Variants in CEP170B observed in about 807,000 individuals in gnomAD.
The protein encoded by CEP170B is centrosomal protein of 170 kDa protein B.
CEP170B carries 55 observed loss-of-function variants against 120.6 expected under a neutral mutation model. That is an observed-to-expected ratio of 0.46 (90% CI 0.37 to 0.57). The LOEUF is 0.57. Ranked by LOEUF, CEP170B falls within the 20% of genes least tolerant of loss-of-function variation. The probability of loss-of-function intolerance (pLI) is 0.00; values close to 1 mark genes in which losing one functional copy is unlikely to be tolerated. For missense variants in CEP170B, 2,212 were observed against 2,253.3 expected, an observed-to-expected ratio of 0.98 and a Z score of 0.37; for synonymous variants, 1,033 against 954.5, an observed-to-expected ratio of 1.08 and a Z score of -1.52.
chr14:104,865,113 CG>C (rs1389628646), upstream of CEP170B, among the ~76,000 whole-genome samples: 3 of 146,762 alleles, frequency 2.0e-5, no homozygotes, highest in Admixed American at 2.1e-4. The surrounding 1 kb of genome is among the most constrained non-coding windows in gnomAD (Gnocchi z 6.7). Flanking sequence ...GGACCACGCG[CG>C]GGGCTACCGG....
At position 104,893,570 on chromosome 14, in the gene CEP170B, G is replaced by A. The variant is rs1467285989; in HGVS notation, c.4086G>A (p.Pro1362=). Residue 1362 remains proline (P), a synonymous_variant, in exon 15 of 19, where the codon CCG becomes CCA. Transcript: ENST00000414716. ...PEASLNFQKV[P]PGSLNSRDFD... is the part of the protein sequence containing the mutation. ...CCAGCCTCAACTTCCAGAAGGTGCCGCCCGGCTCGCTGAACTCTCGGGACT... is the reference window on the plus strand; with the variant it reads ...CCAGCCTCAACTTCCAGAAGGTGCCACCCGGCTCGCTGAACTCTCGGGACT... 1.1e-5 allele frequency: 18 copies of A among 1,604,558 alleles called. No homozygotes were observed. Among genetic ancestry groups the A allele is most frequent in the East Asian group, 2.2e-5 (1 of 44,526 alleles).
chr14:104,876,682 A>G (rs1405915724), intron 3 of CEP170B, among the ~76,000 whole-genome samples: 1 of 152,190 alleles, frequency 6.6e-6, no homozygotes, highest in African/African-American at 2.4e-5. Context: ...TCCCCCTGGC[A>G]GGGTCTCAGG....
Position 104,886,213 on chromosome 14 carries a change from TC to T in CEP170B, c.2036-60del. On this transcript the variant is annotated intron_variant, in intron 11 of 18. Transcript: ENST00000414716. Reference sequence around the variant, plus strand: ...CTGACCACGGACACAGGCTGCCTCTTCCTGAGCGTGGAGGGCCTGCAGACCA... The same window carrying T: ...CTGACCACGGACACAGGCTGCCTCTTCTGAGCGTGGAGGGCCTGCAGACCA... 38 of 1,470,760 alleles carry T rather than the reference TC, an allele frequency of 2.6e-5. No individual in the cohort carries two copies. In the South Asian group the frequency reaches 4.8e-4, roughly 19 times the overall value. 91.1% of individuals were successfully genotyped at this position (1,470,760 alleles called of 1,614,324 possible).
chr14:104,876,151 C>T (rs933179603), intron 2 of CEP170B, 105 bp from the exon 3 acceptor site: 3 of 1,060,258 alleles, frequency 2.8e-6, no homozygotes, highest in Non-Finnish European at 4.2e-6. Context: ...CTGGGGGCCA[C>T]TGCTGGTGTT....
chr14:104,869,883 T>C (rs1218415042), intron 2 of CEP170B, among the ~76,000 whole-genome samples: 1 of 152,190 alleles, frequency 6.6e-6, no homozygotes, highest in Non-Finnish European at 1.5e-5. Flanking sequence ...TCAGGAATTT[T>C]GTTACAGCAG....
rs545801811 is a variant in CEP170B, at chr14:104,876,485, C to A, written c.195+140C>A. 5.4e-6 allele frequency: 4 copies of A among 734,732 alleles called. No homozygotes were observed. In the African/African-American group the frequency reaches 7.0e-5, roughly 13 times the overall value. 45.5% of individuals were successfully genotyped at this position (734,732 alleles called of 1,614,324 possible). Reference sequence around the variant, plus strand: ...CCCTCCCTCTCAGTTCTGCCTCCTCCCCCAGCCATAGCCCCTCCTTCTCAG... The same window carrying A: ...CCCTCCCTCTCAGTTCTGCCTCCTCACCCAGCCATAGCCCCTCCTTCTCAG... On this transcript the variant is annotated intron_variant, in intron 3 of 18. Transcript: ENST00000414716.
intron 13 of CEP170B, among the ~76,000 whole-genome samples, chr14:104,892,451 C>G (rs1322889413): frequency 7.5e-6 from 1 of 133,168 alleles, no homozygotes; most frequent in East Asian, 1.9e-4. Flanking sequence ...ATCTGCCCAG[C>G]CCCACCCTCT....
intron 12 of CEP170B, among the ~76,000 whole-genome samples, chr14:104,889,147 C>T (rs1896663967): frequency 6.6e-6 from 1 of 152,184 alleles, no homozygotes; most frequent in Admixed American, 6.5e-5. Flanking sequence ...TGTGGTCCAG[C>T]CTGGGCCGCA....
Position 104,883,096 on chromosome 14 carries a change from G to T in CEP170B, c.639G>T (p.Glu213Asp). The T allele has an allele frequency of 6.3e-7, 1 of 1,580,236 alleles. No homozygotes were observed. The highest frequency in any genetic ancestry group is 8.6e-7 in the Non-Finnish European group (1 of 1,166,386). Residue 213 changes from glutamate to aspartate, a missense_variant, in exon 8 of 19, where the codon GAG becomes GAT. Around this residue, in one of 2 missense-constraint regions of CEP170B, gnomAD observed 2,166 missense variants for 2,166.7 expected, o/e 1.00. Coordinates refer to ENST00000414716, the MANE Select transcript of CEP170B (RefSeq NM_001112726.3). ...GELHGFRAPA[E>D]PQGCSFRREP... ...TCCACGGCTTCCGCGCCCCTGCTGA[G>T]CCTCAGGGCTGCTCGTTCCGGCGGG...
rs1407783476 is a variant in CEP170B, at chr14:104,886,495, G to T, written c.2256G>T (p.Gly752=). 1 of 1,519,648 alleles carries T rather than the reference G, an allele frequency of 6.6e-7. No homozygotes were observed. 94.1% of individuals were successfully genotyped at this position (1,519,648 alleles called of 1,614,324 possible). A position where few individuals can be genotyped will look rare whatever the true frequency, so the allele number is the denominator to read the frequency against. ...CTGACAGCCTCAGCGATGCCAGTGG[G>T]TCGGACGGGGGCCGAGGCCCCGAGC... ...LDPDSLSDAS[G]SDGGRGPEPG... is the part of the protein sequence containing the mutation. Residue 752 remains glycine (G), a synonymous_variant, in exon 12 of 19, where the codon GGG becomes GGT. Coordinates refer to ENST00000414716, the MANE Select transcript of CEP170B (RefSeq NM_001112726.3).
chr14:104,871,594 G>T (rs1169742261), intron 2 of CEP170B, among the ~76,000 whole-genome samples: 1 of 152,128 alleles, frequency 6.6e-6, no homozygotes, highest in Non-Finnish European at 1.5e-5. Context: ...CCCTCCCTTG[G>T]CATCCACTGC....
chr14:104,864,525 G>A (rs1895084867), upstream of CEP170B, among the ~76,000 whole-genome samples: 1 of 152,184 alleles, frequency 6.6e-6, no homozygotes, highest in East Asian at 1.9e-4. This position sits in a 1 kb window ranked among gnomAD's most constrained non-coding sequence, Gnocchi z 5.9. Flanking sequence ...TGTAGCACCC[G>A]GCAAGGAGCG....
At position 104,885,508 on chromosome 14, in the gene CEP170B, G is replaced by T. The variant is rs200493207; in HGVS notation, c.1910G>T (p.Arg637Leu). 1.2e-5 allele frequency: 19 copies of T among 1,567,226 alleles called. No homozygotes were observed. In the East Asian group the frequency reaches 4.5e-4, roughly 37 times the overall value. Reference sequence around the variant, plus strand: ...GCGCTACTGCAGGAGTTTGCCTCCCGGCCACTGGGTGCGGCCCCCCAGGCG... The same window carrying T: ...GCGCTACTGCAGGAGTTTGCCTCCCTGCCACTGGGTGCGGCCCCCCAGGCG... The part of the protein sequence containing the change: ...RMALLQEFAS[R>L]PLGAAPQAEH... The change falls in exon 10 of 19, where the codon CGG (arginine) becomes CTG (leucine). Residue 637 changes from arginine (R) to leucine (L), a missense_variant. By Grantham distance (102) the Arg-to-Leu change is moderately radical. Transcript: ENST00000414716.
In CEP170B at chr14:104,886,282, C is replaced by A; in HGVS notation, c.2043C>A (p.Gly681=). ...TGCCTTTGTGCTCCACAGAGGATGGCCTGGGACGTAGAGGCGGGGAGCCGG... is the reference window on the plus strand; with the variant it reads ...TGCCTTTGTGCTCCACAGAGGATGGACTGGGACGTAGAGGCGGGGAGCCGG... ...SYSDPGLTED[G]LGRRGGEPEG... Residue 681 remains glycine, a synonymous_variant, in exon 12 of 19, where the codon GGC becomes GGA. Transcript: ENST00000414716. The A allele has an allele frequency of 6.5e-7, 1 of 1,538,260 alleles. No individual in the cohort carries two copies. Among genetic ancestry groups the A allele is most frequent in the Non-Finnish European group, 8.7e-7 (1 of 1,148,214 alleles).
At chr14:104,877,851 T>TCCCCCCCCCCCCCCC in intron 3 of CEP170B, 34 bp from the exon 4 acceptor site, 1 of 372,902 alleles carries the variant, frequency 2.7e-6, no homozygotes. Flanking sequence ...CCCGCGCAGC[T>TCCCCCCCCCCCCCCC]CCCCCCCCCC....
At position 104,885,356 on chromosome 14, in the gene CEP170B, T is replaced by C; in HGVS notation, c.1771-13T>C. 1 of 1,546,730 alleles carries C rather than the reference T, an allele frequency of 6.5e-7. No individual in the cohort carries two copies. The highest frequency in any genetic ancestry group is 8.7e-7 in the Non-Finnish European group (1 of 1,148,220). Reference sequence around the variant, plus strand: ...TCTGACCCTCGGTGCCTGGGACCATTTCCTCTTGGCAGGTCTTTGGGGTGT... The same window carrying C: ...TCTGACCCTCGGTGCCTGGGACCATCTCCTCTTGGCAGGTCTTTGGGGTGT... On this transcript the variant is annotated splice_polypyrimidine_tract_variant and intron_variant, in intron 9 of 18. Transcript: ENST00000414716.
At chr14:104,889,444 C>G (rs1016010738) in intron 12 of CEP170B, 176 bp from the exon 13 acceptor site, 18 of 1,473,978 alleles carry the variant, frequency 1.2e-5, no homozygotes, top group African/African-American at 5.6e-5. Context: ...CAGAGGGACC[C>G]TGGGACTGCC....
intron 9 of CEP170B, among the ~76,000 whole-genome samples, chr14:104,884,934 CA>C: frequency 1.3e-5 from 1 of 76,114 alleles, no homozygotes; most frequent in Non-Finnish European, 2.7e-5. Flanking sequence ...CGAGTGAGAG[CA>C]CTCGTGGGGA....
chr14:104,880,568 C>T (rs903566635), intron 6 of CEP170B, 143 bp downstream of exon 6: 147 of 1,255,558 alleles, frequency 1.2e-4, no homozygotes, highest in Non-Finnish European at 1.6e-4. Flanking sequence ...ACACACCTAC[C>T]CTTGCACATG....
Sources: allele counts gnomAD v4.1 joint callset (sites outside exome capture counted in the v4.1 genomes callset), GRCh38; gene constraint gnomAD v4.1.1; regional missense constraint gnomAD v4.1.1; non-coding constraint Gnocchi (gnomAD v3.1); transcripts MANE v1.5; gene names NCBI Gene and HGNC (gene_info 2026-07-23, HGNC 2026-07-21).